PLXNA2: variants seen among roughly 807,000 people sequenced by gnomAD.
PLXNA2 encodes plexin-A2.
Under a neutral mutation model 193.5 loss-of-function variants are expected in PLXNA2, and 91 were observed. The observed-to-expected ratio is 0.47, with a 90% CI of 0.40 to 0.56. PLXNA2 has a LOEUF of 0.56. Ranked by LOEUF, PLXNA2 falls within the 20% of genes least tolerant of loss-of-function variation. PLXNA2 has a pLI of 0.00. For missense variants in PLXNA2, 1,995 were observed against 2,503.2 expected, an observed-to-expected ratio of 0.80 and a Z score of 4.33; for synonymous variants, 997 against 1,027.3, an observed-to-expected ratio of 0.97 and a Z score of 0.56.
At chr1:208,171,218 C>G (rs564738592) in intron 3 of PLXNA2, among the ~76,000 whole-genome samples, 1 of 152,294 alleles carries the variant, frequency 6.6e-6, no homozygotes, top group South Asian at 2.1e-4. Context: ...TTGGCACTGT[C>G]ACAGCTTGAA....
intron 3 of PLXNA2, among the ~76,000 whole-genome samples, chr1:208,199,796 G>T (rs1670482776): frequency 6.6e-6 from 1 of 152,176 alleles, no homozygotes; most frequent in African/African-American, 2.4e-5. Context: ...GTAAGAACCT[G>T]GGTGAGTTTC....
intron 4 of PLXNA2, among the ~76,000 whole-genome samples, chr1:208,130,574 A>G (rs556683258): frequency 1.3e-5 from 2 of 152,282 alleles, no homozygotes; most frequent in African/African-American, 4.8e-5. Context: ...GAATGCACCC[A>G]ATGTCATTGC....
At position 208,038,772 on chromosome 1, in the gene PLXNA2, C is replaced by T; in HGVS notation, c.4660+53G>A. On this transcript the variant is annotated intron_variant, in intron 25 of 31. Transcript: ENST00000367033. This position sits in a 1 kb window ranked among gnomAD's most constrained non-coding sequence, Gnocchi z 4.1. ...CAAGGGTTGTGTGCATGGCAGCTTC[C>T]CTTCCTTCACCTCTCAACCCCTGCC... 1 of 1,568,146 alleles carries T rather than the reference C, an allele frequency of 6.4e-7. No individual in the cohort carries two copies. Among genetic ancestry groups the T allele is most frequent in the Non-Finnish European group, 8.7e-7 (1 of 1,146,008 alleles).
chr1:208,101,930 C>A (rs965672077), intron 5 of PLXNA2, among the ~76,000 whole-genome samples: 1 of 152,144 alleles, frequency 6.6e-6, no homozygotes, highest in African/African-American at 2.4e-5. Flanking sequence ...GAGGAAAGAC[C>A]CTGCCTGCTG....
chr1:208,030,500 G>C, intron 29 of PLXNA2: 1 of 985,408 alleles, frequency 1.0e-6, no homozygotes, highest in Non-Finnish European at 1.2e-6. Flanking sequence ...TGGACTGTGG[G>C]CTCTTAACCC....
intron 1 of PLXNA2, among the ~76,000 whole-genome samples, chr1:208,237,651 A>G (rs1671909056): frequency 6.6e-6 from 1 of 152,174 alleles, no homozygotes; most frequent in South Asian, 2.1e-4. Flanking sequence ...TTCACAGGAA[A>G]CTGTGAAGTT....
chr1:208,054,555 C>T lies in PLXNA2; in HGVS notation c.2739-17G>A, dbSNP rs1665365948. On this transcript the variant is annotated splice_polypyrimidine_tract_variant and intron_variant, in intron 13 of 31. Transcript: ENST00000367033. The stretch of plus-strand genomic sequence containing the variant: ...CAGACAATCCTGGGGAGAAAGCAAA[C>T]CTTCTGGTGAGGGACTGGGCAAGGG... The T allele has an allele frequency of 6.3e-7, 1 of 1,584,716 alleles. No homozygotes were observed. Among genetic ancestry groups the T allele is most frequent in the Admixed American group, 1.7e-5 (1 of 59,900 alleles).
chr1:208,085,443 C>T (rs1419624507), intron 9 of PLXNA2, among the ~76,000 whole-genome samples: 1 of 152,176 alleles, frequency 6.6e-6, no homozygotes, highest in Non-Finnish European at 1.5e-5. Flanking sequence ...GGCAGTGGTT[C>T]TTAGGGGGAA....
intron 3 of PLXNA2, among the ~76,000 whole-genome samples, chr1:208,209,075 C>T (rs534850575): frequency 1.3e-5 from 2 of 152,310 alleles, no homozygotes; most frequent in East Asian, 3.9e-4. Flanking sequence ...AAGCTAGGGT[C>T]CCTAGTCCCA....
At chr1:208,060,523 G>T (rs574766739) in intron 13 of PLXNA2, among the ~76,000 whole-genome samples, 163 bp downstream of exon 13, 188 of 152,292 alleles carry the variant, frequency 1.2e-3, no homozygotes, top group African/African-American at 4.3e-3. Context: ...TGAGGGTGGA[G>T]GTGAGGGAGG....
At chr1:208,162,902 C>A (rs1669176847) in intron 3 of PLXNA2, among the ~76,000 whole-genome samples, 1 of 152,200 alleles carries the variant, frequency 6.6e-6, no homozygotes, top group Non-Finnish European at 1.5e-5. Flanking sequence ...ATACAAGCAA[C>A]TCACATACAA....
intron 3 of PLXNA2, among the ~76,000 whole-genome samples, chr1:208,176,598 G>C (rs1041709562): frequency 6.6e-5 from 10 of 152,222 alleles, no homozygotes; most frequent in African/African-American, 2.4e-4. Context: ...AAGTGCCAGG[G>C]AAAGAGGGTG....
chr1:208,027,595 T>G (rs1458858110), intron 31 of PLXNA2, among the ~76,000 whole-genome samples: 1 of 152,208 alleles, frequency 6.6e-6, no homozygotes, highest in Non-Finnish European at 1.5e-5. Flanking sequence ...CTACTACTAC[T>G]TTCACGTTCA....
intron 1 of PLXNA2, among the ~76,000 whole-genome samples, chr1:208,240,429 T>C (rs1007305643): frequency 3.3e-5 from 5 of 152,132 alleles, no homozygotes; most frequent in Admixed American, 2.6e-4. Flanking sequence ...GAAAAAGAAG[T>C]GGATGCACAC....
chr1:208,030,980 G>T, intron 29 of PLXNA2: 1 of 988,404 alleles, frequency 1.0e-6, no homozygotes, highest in Non-Finnish European at 1.2e-6. Context: ...AGTCATGCCT[G>T]CAGGGCATTC....
intron 29 of PLXNA2, chr1:208,030,624 GC>G: frequency 2.0e-6 from 2 of 985,422 alleles, no homozygotes; most frequent in Non-Finnish European, 1.2e-6. Flanking sequence ...GCTGGGGTTG[GC>G]TTTTTCCAAA....
chr1:208,122,556 T>C (rs1667837748), intron 4 of PLXNA2, among the ~76,000 whole-genome samples: 1 of 152,232 alleles, frequency 6.6e-6, no homozygotes, highest in Non-Finnish European at 1.5e-5. Context: ...TTATGGTGAT[T>C]GTTAAATTTC....
At chr1:208,114,237 T>A (rs1041960366) in intron 4 of PLXNA2, among the ~76,000 whole-genome samples, 2 of 152,216 alleles carry the variant, frequency 1.3e-5, no homozygotes, top group Non-Finnish European at 2.9e-5. Context: ...TGGTTATTGA[T>A]AATACGTGTG....
chr1:208,031,460 A>C, intron 29 of PLXNA2, 130 bp downstream of exon 29: 1 of 1,314,686 alleles, frequency 7.6e-7, no homozygotes, highest in Non-Finnish European at 1.1e-6. Context: ...TGTTTGTTCC[A>C]GGAGCTTTGG....
Sources: gnomAD v4.1 joint callset for allele counts (sites outside exome capture counted in the v4.1 genomes callset) on GRCh38, gnomAD v4.1.1 for gene constraint, Gnocchi (gnomAD v3.1) non-coding constraint, MANE v1.5 for transcripts, NCBI Gene and HGNC (gene_info 2026-07-23, HGNC 2026-07-21) for gene names.